Variants in DNAAF9 observed in about 807,000 individuals in gnomAD.
DNAAF9 encodes dynein axonemal assembly factor 9.
Under a neutral mutation model 167.0 loss-of-function variants are expected in DNAAF9, and 90 were observed. The ratio of observed to expected loss-of-function variants is 0.54; its 90% CI spans 0.45 to 0.64. The LOEUF (loss-of-function observed/expected upper bound fraction) is 0.64, where lower values mean the gene tolerates loss of function less well. DNAAF9 is among the 30% of genes least tolerant of loss of function. The pLI is 0.00. For missense variants in DNAAF9, 1,315 were observed against 1,442.2 expected (o/e 0.91, Z 1.43); for synonymous variants, 491 against 508.8 (o/e 0.96, Z 0.47).
Position 3,299,271 on chromosome 20 carries a change from C to G in DNAAF9, c.1783-1096G>C, listed in dbSNP as rs147867088. On this transcript the variant is annotated intron_variant, in intron 21 of 36. Coordinates refer to ENST00000252032, the MANE Select transcript of DNAAF9 (RefSeq NM_001009984.3). ...TATAAAGTAAGGGTCAAACTTCATT[C>G]TTTTGCACACGGATATCTAGTTTTC... 1.2e-4 allele frequency among the ~76,000 whole-genome samples: 19 copies of G among 152,208 alleles called. No homozygotes were observed. The East Asian group carries it at 3.7e-3, about 29-fold the overall frequency.
At chr20:3,327,070 G>A (rs868600137) in intron 12 of DNAAF9, among the ~76,000 whole-genome samples, 2 of 152,132 alleles carry the variant, frequency 1.3e-5, no homozygotes, top group South Asian at 2.1e-4. Flanking sequence ...AGACCTCAGC[G>A]GGAGAAGAGA....
intron 3 of DNAAF9, among the ~76,000 whole-genome samples, 188 bp from the exon 4 acceptor site, chr20:3,376,490 A>G (rs2083577213): frequency 6.6e-6 from 1 of 152,202 alleles, no homozygotes; most frequent in African/African-American, 2.4e-5. Flanking sequence ...GTCTCAATCA[A>G]TTTTGAAGTT....
intron 20 of DNAAF9, 35 bp downstream of exon 20, chr20:3,314,998 A>G: frequency 8.0e-7 from 1 of 1,244,648 alleles, no homozygotes; most frequent in Non-Finnish European, 1.2e-6. Flanking sequence ...AGGGACCCAG[A>G]CATGGCCAAA....
intron 21 of DNAAF9, among the ~76,000 whole-genome samples, chr20:3,300,754 A>C (rs900052646): frequency 2.4e-4 from 36 of 149,830 alleles, no homozygotes; most frequent in Non-Finnish European, 4.0e-4. Context: ...GAGTTTCACC[A>C]TGTTATCTCA....
At chr20:3,342,788 G>A (rs889658920) in intron 9 of DNAAF9, among the ~76,000 whole-genome samples, 3 of 152,216 alleles carry the variant, frequency 2.0e-5, no homozygotes, top group Admixed American at 6.5e-5. Flanking sequence ...GAGAAGAAAT[G>A]TCCTCTCTAT....
intron 35 of DNAAF9, 53 bp downstream of exon 35, chr20:3,255,166 A>C: frequency 1.0e-5 from 11 of 1,099,824 alleles, no homozygotes; most frequent in Non-Finnish European, 1.4e-5. Flanking sequence ...GAGCTAGGCA[A>C]GCCGAGGACA....
intron 21 of DNAAF9, among the ~76,000 whole-genome samples, chr20:3,300,066 C>G (rs1376664242): frequency 6.6e-6 from 1 of 152,072 alleles, no homozygotes; most frequent in Non-Finnish European, 1.5e-5. Flanking sequence ...CCACACTTGC[C>G]TAATTTTTGT....
chr20:3,334,055 T>C (rs2208029), intron 10 of DNAAF9, among the ~76,000 whole-genome samples: 78,307 of 152,066 alleles, frequency 0.51, 20,276 homozygotes, highest in Middle Eastern at 0.65. Context: ...GACAGCTTCA[T>C]TGGATGTCTG....
intron 30 of DNAAF9, among the ~76,000 whole-genome samples, chr20:3,267,723 T>C (rs752233873): frequency 2.1e-4 from 32 of 151,974 alleles, no homozygotes; most frequent in Admixed American, 1.3e-4. Flanking sequence ...TAATCCCAGC[T>C]ACTAGGGAGG....
chr20:3,307,058 C>A (rs1376371725), intron 20 of DNAAF9: 14 of 985,282 alleles, frequency 1.4e-5, no homozygotes, highest in Non-Finnish European at 1.4e-5. Context: ...CTGGACAAAG[C>A]TCAAAATCCT....
At chr20:3,350,276 C>T (rs181666618) in intron 7 of DNAAF9, among the ~76,000 whole-genome samples, 2 of 151,652 alleles carry the variant, frequency 1.3e-5, no homozygotes, top group South Asian at 2.1e-4. Context: ...CCCAGGAGTT[C>T]GAGATCAGCC....
At chr20:3,322,141 C>G in intron 16 of DNAAF9, 76 bp downstream of exon 16, 1 of 1,069,270 alleles carries the variant, frequency 9.4e-7, no homozygotes, top group Non-Finnish European at 1.4e-6. Flanking sequence ...GACCCCCACC[C>G]ACTCCCACCT....
chr20:3,389,320 A>G (rs937972223), intron 1 of DNAAF9, among the ~76,000 whole-genome samples: 1 of 138,718 alleles, frequency 7.2e-6, no homozygotes, highest in African/African-American at 2.6e-5. Flanking sequence ...TAATTTTTCT[A>G]TTTTTTTTTT....
chr20:3,295,068 A>G (rs2069043081), intron 23 of DNAAF9, among the ~76,000 whole-genome samples: 1 of 151,994 alleles, frequency 6.6e-6, no homozygotes, highest in Non-Finnish European at 1.5e-5. Flanking sequence ...ACGGGGTTTC[A>G]CTGTGTTAGC....
At chr20:3,269,853 G>C (rs1458580677) in intron 30 of DNAAF9, among the ~76,000 whole-genome samples, 1 of 151,822 alleles carries the variant, frequency 6.6e-6, no homozygotes, top group Non-Finnish European at 1.5e-5. Context: ...AGCTACTCAG[G>C]AGGCTGAGGC....
intron 20 of DNAAF9, among the ~76,000 whole-genome samples, chr20:3,310,714 C>G (rs1476999773): frequency 6.6e-6 from 1 of 150,408 alleles, no homozygotes; most frequent in African/African-American, 2.4e-5. Context: ...CTAAAATAAA[C>G]AAGAAAAAGG....
rs1413047334 is a variant in DNAAF9 at position 3,315,295 on chromosome 20, C to T, written c.1591-175G>A. Among the ~76,000 whole-genome samples the T allele has an allele frequency of 1.3e-5, 2 of 152,222 alleles. No homozygotes were observed. The highest frequency in any genetic ancestry group is 2.4e-5 in the African/African-American group (1 of 41,462). Reference sequence around the variant, plus strand: ...GCATTGTCTGGCTCTTTGGCAGTTACTGGCATCCTTGATTTGTGCTGAGAA... The same window carrying T: ...GCATTGTCTGGCTCTTTGGCAGTTATTGGCATCCTTGATTTGTGCTGAGAA... On this transcript the variant is annotated intron_variant, in intron 19 of 36. Transcript: ENST00000252032. The surrounding 1 kb of genome is among the most constrained non-coding windows in gnomAD (Gnocchi z 4.1).
intron 3 of DNAAF9, among the ~76,000 whole-genome samples, chr20:3,380,153 G>C (rs75968405): frequency 0.047 from 7,188 of 152,232 alleles, 260 homozygotes; most frequent in African/African-American, 0.1. Flanking sequence ...TTAGCAATCT[G>C]GGCTGAGGTG....
intron 33 of DNAAF9, among the ~76,000 whole-genome samples, chr20:3,257,208 T>C (rs963989373): frequency 6.6e-5 from 10 of 151,894 alleles, no homozygotes; most frequent in South Asian, 2.1e-4. Context: ...AAAGAGTCAA[T>C]AGCAGATCTA....
Sources: allele counts gnomAD v4.1 joint callset (sites outside exome capture counted in the v4.1 genomes callset), GRCh38; gene constraint gnomAD v4.1.1; non-coding constraint Gnocchi (gnomAD v3.1); transcripts MANE v1.5; gene names NCBI Gene and HGNC (gene_info 2026-07-23, HGNC 2026-07-21).